The following TTC7A variants were observed in gnomAD, a reference collection of about 807,000 sequenced individuals.
TTC7A encodes the protein tetratricopeptide repeat protein 7A.
Under a neutral mutation model 103.7 loss-of-function variants are expected in TTC7A, and 110 were observed. The ratio of observed to expected loss-of-function variants is 1.06; its 90% CI spans 0.91 to 1.24. TTC7A has a LOEUF of 1.24. Ranked by LOEUF, TTC7A falls within the 50% of genes most tolerant of loss-of-function variation. The pLI is 0.00. For missense variants in TTC7A, 1,340 were observed against 1,116.3 expected (o/e 1.20, Z -2.86); for synonymous variants, 521 against 467.9 (o/e 1.11, Z -1.47).
intron 2 of TTC7A, among the ~76,000 whole-genome samples, chr2:46,928,664 G>A (rs1669531605): frequency 6.6e-6 from 1 of 151,990 alleles, no homozygotes; most frequent in African/African-American, 2.4e-5. Flanking sequence ...CAGCTGTTTG[G>A]GAGACTGAGG....
intron 2 of TTC7A, among the ~76,000 whole-genome samples, chr2:46,934,531 C>G (rs1317904538): frequency 6.6e-6 from 1 of 152,120 alleles, no homozygotes; most frequent in East Asian, 1.9e-4. Flanking sequence ...ACCTCAACCT[C>G]CCAAATTGCT....
At chr2:46,991,783 G>A (rs563691040) in intron 5 of TTC7A, among the ~76,000 whole-genome samples, 2 of 152,274 alleles carry the variant, frequency 1.3e-5, no homozygotes, top group South Asian at 2.1e-4. Flanking sequence ...AGACTTGATG[G>A]TCTCTAAGGG....
intron 2 of TTC7A, among the ~76,000 whole-genome samples, chr2:46,927,649 C>T (rs766482349): frequency 6.6e-5 from 10 of 151,486 alleles, no homozygotes; most frequent in Middle Eastern, 3.4e-3. Flanking sequence ...CATGAGCTAC[C>T]GCGCCCGGCA....
intron 15 of TTC7A, among the ~76,000 whole-genome samples, chr2:47,037,048 A>G (rs1216957525): frequency 3.9e-5 from 6 of 152,024 alleles, no homozygotes; most frequent in Non-Finnish European, 7.4e-5. Flanking sequence ...GGGTATCCAT[A>G]CCTTGTCAGG....
At chr2:47,015,083 C>T (rs951440097) in intron 11 of TTC7A, among the ~76,000 whole-genome samples, 2 of 152,192 alleles carry the variant, frequency 1.3e-5, no homozygotes. Context: ...GACCCTGGGG[C>T]TTATCTTGAA....
At chr2:47,015,660 G>C (rs2104511165) in intron 11 of TTC7A, among the ~76,000 whole-genome samples, 1 of 152,312 alleles carries the variant, frequency 6.6e-6, no homozygotes, top group Middle Eastern at 3.4e-3. Context: ...CCCCTGCTTA[G>C]CACACTGCGG....
chr2:46,988,891 G>A (rs1248201863), intron 5 of TTC7A, among the ~76,000 whole-genome samples: 1 of 152,188 alleles, frequency 6.6e-6, no homozygotes, highest in Non-Finnish European at 1.5e-5. Flanking sequence ...GCCTGGAAAG[G>A]CAGGCATCTT....
chr2:47,011,284 G>A, intron 10 of TTC7A, 47 bp from the exon 11 acceptor site: 1 of 1,564,312 alleles, frequency 6.4e-7, no homozygotes, highest in Admixed American at 1.7e-5. Context: ...GGGCCCTTGA[G>A]ATCCAGGACT....
chr2:47,061,920 C>T (rs781771892), intron 19 of TTC7A, among the ~76,000 whole-genome samples: 1 of 152,190 alleles, frequency 6.6e-6, no homozygotes, highest in Non-Finnish European at 1.5e-5. Flanking sequence ...ATCTTTCCCT[C>T]TTAGGGTCTG....
At chr2:46,981,836 G>A (rs34800049) in intron 5 of TTC7A, among the ~76,000 whole-genome samples, 25,135 of 152,196 alleles carry the variant, frequency 0.17, 2,247 homozygotes, top group Admixed American at 0.2. Context: ...TCAATTGCCT[G>A]GAAGAGAAGG....
At chr2:46,916,901 G>C (rs188563184) in intron 1 of TTC7A, among the ~76,000 whole-genome samples, 20 of 152,276 alleles carry the variant, frequency 1.3e-4, no homozygotes, top group Admixed American at 1.2e-3. Flanking sequence ...CCAAAGTGCT[G>C]GGATTACAGG....
intron 7 of TTC7A, among the ~76,000 whole-genome samples, 179 bp from the exon 8 acceptor site, chr2:46,994,957 C>T (rs1319747064): frequency 1.3e-5 from 2 of 152,152 alleles, no homozygotes; most frequent in South Asian, 2.1e-4. Context: ...CACCACCCAC[C>T]GCAGCCTTTC....
At chr2:46,919,360 C>T (rs1261649739) in intron 2 of TTC7A, among the ~76,000 whole-genome samples, 1 of 152,098 alleles carries the variant, frequency 6.6e-6, no homozygotes, top group Non-Finnish European at 1.5e-5. Context: ...ATGGTGAAAC[C>T]CTGTCTCTAC....
In TTC7A at chr2:47,046,315, C is replaced by G. The variant is rs773135918; in HGVS notation, c.1803C>G (p.Asn601Lys). ...TGATGGCCACTCTCCGTCCCCACAG[C>G]CTGATGTTCACCAAGGTGAAGCTGG... ...MAITEHPENF[N>K]LMFTKVKLEQ... is the part of the protein sequence containing the mutation. The change falls in exon 16 of 20, where the codon AAC (asparagine) becomes AAG (lysine). Residue 601 changes from asparagine to lysine, a missense_variant and splice_region_variant. By Grantham distance (94) the Asn-to-Lys change is moderately conservative. Transcript: ENST00000319190. 1.2e-6 allele frequency: 2 copies of G among 1,613,404 alleles called. No individual in the cohort carries two copies. Among genetic ancestry groups the G allele is most frequent in the Non-Finnish European group, 1.7e-6 (2 of 1,179,588 alleles).
intron 15 of TTC7A, among the ~76,000 whole-genome samples, chr2:47,033,033 G>C (rs183581349): frequency 2.0e-3 from 311 of 152,236 alleles, no homozygotes; most frequent in African/African-American, 7.2e-3. Context: ...GTTCCCCACA[G>C]ATGAAACCTC....
intron 8 of TTC7A, among the ~76,000 whole-genome samples, chr2:47,001,719 C>T (rs1435623131): frequency 1.3e-5 from 2 of 151,918 alleles, no homozygotes; most frequent in Non-Finnish European, 2.9e-5. Flanking sequence ...ATTAGCCAGG[C>T]GTGGTGGTGG....
At chr2:46,978,636 G>T in intron 4 of TTC7A, 156 bp from the exon 5 acceptor site, 8 of 515,578 alleles carry the variant, frequency 1.6e-5, no homozygotes, top group African/African-American at 1.9e-5. Context: ...GACATATTTT[G>T]AGTTAAAGCG....
rs1248384947 is a variant in TTC7A, at chr2:46,975,208, C to T, written c.648+105C>T. ...CACCTGTGTGCTAATTAGAAGAAGT[C>T]ACCTTCTCTGTCCCCCAAAGACACT... is the stretch of plus-strand genomic sequence containing the variant. On this transcript the variant is annotated intron_variant, in intron 4 of 19. Transcript: ENST00000319190. 6 of 1,456,744 alleles carry T rather than the reference C, an allele frequency of 4.1e-6. No homozygotes were observed. The East Asian group carries it at 7.0e-5, about 17-fold the overall frequency. The allele number at this position is 1,456,744 out of a possible 1,614,324, so 90.2% of individuals were successfully genotyped here.
In TTC7A at chr2:47,049,839, G is replaced by T. The variant is rs1682691459; in HGVS notation, c.1920-110G>T. The T allele has an allele frequency of 6.4e-6, 5 of 786,716 alleles. No homozygotes were observed. The South Asian group carries it at 8.0e-5, about 13-fold the overall frequency. 48.7% of individuals were successfully genotyped at this position (786,716 alleles called of 1,614,324 possible). On this transcript the variant is annotated intron_variant, in intron 16 of 19. Transcript: ENST00000319190. The stretch of plus-strand genomic sequence containing the variant: ...CAGCCCCAGAGCCTGCCTGGAGTGA[G>T]GCTGTCCCATTCTCCCTGCCAGTCC...
Sources: gnomAD v4.1 joint callset for allele counts (sites outside exome capture counted in the v4.1 genomes callset) on GRCh38, gnomAD v4.1.1 for gene constraint, MANE v1.5 for transcripts, NCBI Gene and HGNC (gene_info 2026-07-23, HGNC 2026-07-21) for gene names.